PRICKLE2: variants seen among roughly 807,000 people sequenced by gnomAD.
PRICKLE2 encodes prickle-like protein 2.
Under a neutral mutation model 81.4 loss-of-function variants are expected in PRICKLE2, and 21 were observed. The observed-to-expected ratio is 0.26, with a 90% confidence interval of 0.18 to 0.37. The LOEUF is 0.37. Ranked by LOEUF, PRICKLE2 falls within the 10% of genes least tolerant of loss-of-function variation. The probability of loss-of-function intolerance (pLI) is 1.00; values close to 1 mark genes in which losing one functional copy is unlikely to be tolerated. For synonymous variants in PRICKLE2, 456 were observed against 421.5 expected, an observed-to-expected ratio of 1.08 and a Z score of -1.00; for missense variants, 940 against 1,109.0, an observed-to-expected ratio of 0.85 and a Z score of 2.16.
chr3:64,248,413 G>C (rs996242803), intron 2 of PRICKLE2, among the ~76,000 whole-genome samples: 2 of 152,144 alleles, frequency 1.3e-5, no homozygotes, highest in Non-Finnish European at 2.9e-5. Context: ...TAATTAATGT[G>C]TAACCAACCT....
At chr3:64,199,223 C>A in intron 1 of PRICKLE2, 2 of 588,130 alleles carry the variant, frequency 3.4e-6, no homozygotes, top group South Asian at 4.1e-5. Flanking sequence ...TGGACCCCAG[C>A]CTTCTCTTCT....
At chr3:64,235,622 G>T (rs1242722859) in intron 2 of PRICKLE2, among the ~76,000 whole-genome samples, 1 of 152,174 alleles carries the variant, frequency 6.6e-6, no homozygotes, top group Non-Finnish European at 1.5e-5. Context: ...GCAGTGTGCA[G>T]CTTCTGATGT....
intron 2 of PRICKLE2, among the ~76,000 whole-genome samples, chr3:64,188,904 A>T (rs1027224370): frequency 1.3e-5 from 2 of 152,136 alleles, no homozygotes; most frequent in Non-Finnish European, 1.5e-5. Context: ...CTTGCTCCAG[A>T]TCATATCACC....
chr3:64,115,725 T>A (rs1392076847), intron 7 of PRICKLE2, among the ~76,000 whole-genome samples: 1 of 152,106 alleles, frequency 6.6e-6, no homozygotes, highest in Non-Finnish European at 1.5e-5. Flanking sequence ...TTCAAAGAGA[T>A]TTAGACTCCC....
chr3:64,104,476 G>C (rs1013234416), intron 7 of PRICKLE2: 1 of 152,220 alleles, frequency 6.6e-6, no homozygotes, highest in Non-Finnish European at 1.5e-5. Flanking sequence ...TCCCGAACCT[G>C]TCTTTCATAA....
rs187455869 is a variant in PRICKLE2 at position 64,250,845 on chromosome 3, T to G, written c.129-51878A>C. Among the ~76,000 whole-genome samples the G allele has an allele frequency of 3.9e-5, 6 of 152,258 alleles. No homozygotes were observed. The East Asian group carries it at 1.2e-3, about 29-fold the overall frequency. On this transcript the variant is annotated intron_variant, in intron 2 of 8. Transcript: ENST00000295902. ...ATTTCCTGCATTGTGCTAATATAGG[T>G]GCTGGTCCCTCTGCCAGAGATACTC... is the stretch of plus-strand genomic sequence containing the variant.
intron 2 of PRICKLE2, among the ~76,000 whole-genome samples, chr3:64,233,982 C>T (rs891357888): frequency 6.6e-6 from 1 of 152,176 alleles, no homozygotes; most frequent in Non-Finnish European, 1.5e-5. Flanking sequence ...TTGGTTCATC[C>T]TGTAGCTTAT....
At chr3:64,262,159 T>C (rs1471387474) in intron 2 of PRICKLE2, among the ~76,000 whole-genome samples, 1 of 152,148 alleles carries the variant, frequency 6.6e-6, no homozygotes, top group Non-Finnish European at 1.5e-5. Flanking sequence ...CCCAGGAAGT[T>C]ACCTCAAGCT....
intron 4 of PRICKLE2, among the ~76,000 whole-genome samples, 163 bp from the exon 5 acceptor site, chr3:64,157,528 G>T (rs2077657036): frequency 1.3e-5 from 2 of 152,142 alleles, no homozygotes; most frequent in African/African-American, 4.8e-5. Context: ...GGTTTTTCTT[G>T]TCCTCCCTGA....
At chr3:64,263,915 G>C (rs1160407109) in intron 2 of PRICKLE2, among the ~76,000 whole-genome samples, 1 of 152,136 alleles carries the variant, frequency 6.6e-6, no homozygotes, top group Non-Finnish European at 1.5e-5. Flanking sequence ...CATCACAGTG[G>C]ATTGTCTAAA....
intron 1 of PRICKLE2, among the ~76,000 whole-genome samples, chr3:64,207,622 C>T (rs1240118995): frequency 6.6e-6 from 1 of 152,090 alleles, no homozygotes; most frequent in Non-Finnish European, 1.5e-5. Flanking sequence ...TGCCCTGCAG[C>T]AGGATCAACA....
intron 7 of PRICKLE2, among the ~76,000 whole-genome samples, chr3:64,123,746 T>C (rs1368990201): frequency 1.3e-5 from 2 of 152,236 alleles, no homozygotes; most frequent in Non-Finnish European, 2.9e-5. Context: ...ATTGCACCCA[T>C]ATAAGATGGT....
intron 2 of PRICKLE2, among the ~76,000 whole-genome samples, chr3:64,168,072 C>A (rs1559553195): frequency 6.6e-6 from 1 of 152,136 alleles, no homozygotes; most frequent in African/African-American, 2.4e-5. Context: ...CCTTCCACAC[C>A]TAGATATATG....
Position 64,097,595 on chromosome 3 carries a change from A to G in PRICKLE2, c.*1456T>C, listed in dbSNP as rs1234655935. On this transcript the variant is annotated 3_prime_UTR_variant, in exon 8 of 8. Coordinates refer to ENST00000638394, the MANE Select transcript of PRICKLE2 (RefSeq NM_198859.4). ...TTAAATGTCTTCATTAAGCAAACTC[A>G]CTTTTGAGCCCATTTTCTGACCAAC... 1 of 152,594 alleles carries G rather than the reference A, an allele frequency of 6.6e-6. No individual in the cohort carries two copies. The highest frequency in any genetic ancestry group is 6.5e-5 in the Admixed American group (1 of 15,278). The allele number at this position is 152,594 out of a possible 1,614,324, so 9.5% of individuals were successfully genotyped here. A position where few individuals can be genotyped will look rare whatever the true frequency, so the allele number is the denominator to read the frequency against.
At chr3:64,197,080 T>C (rs2078468750) in intron 2 of PRICKLE2, among the ~76,000 whole-genome samples, 1 of 152,242 alleles carries the variant, frequency 6.6e-6, no homozygotes, top group African/African-American at 2.4e-5. Flanking sequence ...TGAGTTTATA[T>C]TAGTATCACT....
rs576946203 is a variant in PRICKLE2 at position 64,149,611 on chromosome 3, G to C, written c.788-1909C>G. ...GGGACTAATGTGGCCTTTATCTTCA[G>C]TGGCTGAGAGTTCCTGAGCCTGGAC... On this transcript the variant is annotated intron_variant, in intron 6 of 7. Coordinates refer to ENST00000638394, the MANE Select transcript of PRICKLE2 (RefSeq NM_198859.4). 5.3e-5 allele frequency among the ~76,000 whole-genome samples: 8 copies of C among 152,302 alleles called. No homozygotes were observed. The South Asian group carries it at 1.7e-3, about 32-fold the overall frequency.
chr3:64,216,884 T>G (rs1379810831), intron 1 of PRICKLE2, among the ~76,000 whole-genome samples: 1 of 151,990 alleles, frequency 6.6e-6, no homozygotes, highest in Non-Finnish European at 1.5e-5. Flanking sequence ...GATGCAAGGG[T>G]GGGGGTGTCA....
chr3:64,226,628 C>T (rs2079035659), upstream of PRICKLE2, among the ~76,000 whole-genome samples: 1 of 152,194 alleles, frequency 6.6e-6, no homozygotes, highest in Non-Finnish European at 1.5e-5. Context: ...ATATCACATA[C>T]TCAATAGCTA....
At chr3:64,174,318 G>C (rs1268703040) in intron 2 of PRICKLE2, 1 of 152,140 alleles carries the variant, frequency 6.6e-6, no homozygotes, top group African/African-American at 2.4e-5. Context: ...CTTATCTCTA[G>C]GACTAGAATA....
Sources: gnomAD v4.1 joint callset for allele counts (sites outside exome capture counted in the v4.1 genomes callset) on GRCh38, gnomAD v4.1.1 for gene constraint, MANE v1.5 for transcripts, NCBI Gene and HGNC (gene_info 2026-07-23, HGNC 2026-07-21) for gene names.